The following DLGAP2 variants were observed in gnomAD, a reference collection of about 807,000 sequenced individuals.
The protein encoded by DLGAP2 is disks large-associated protein 2.
In DLGAP2, 26 loss-of-function variants were observed where a neutral mutation model predicts 100.3. The observed-to-expected ratio is 0.26, with a 90% confidence interval of 0.19 to 0.36. DLGAP2 has a LOEUF of 0.36. DLGAP2 is among the 10% of genes least tolerant of loss of function. The pLI, the probability that DLGAP2 is intolerant of heterozygous loss-of-function variation, is 1.00. For missense variants in DLGAP2, 1,858 were observed against 1,453.2 expected (o/e 1.28, Z -4.53); for synonymous variants, 886 against 630.1 (o/e 1.41, Z -6.08).
rs147776289 is a variant in DLGAP2, at chr8:1,277,663, T to A, written c.106+18780T>A. Among the ~76,000 whole-genome samples the A allele has an allele frequency of 9.6e-3, 1,457 of 152,236 alleles. 18 individuals are homozygous for A. The highest frequency in any genetic ancestry group is 0.02 in the Middle Eastern group (6 of 294). ...TCAGTATCTGAGTATCCAAGTGTTA[T>A]CCGAAATGAGTGGTGGGGTGGGCTT... is the stretch of plus-strand genomic sequence containing the variant. On this transcript the variant is annotated intron_variant, in intron 3 of 14. Coordinates refer to ENST00000637795, the MANE Select transcript of DLGAP2 (RefSeq NM_001346810.2).
chr8:1,254,714 G>A (rs1040602866), intron 2 of DLGAP2, among the ~76,000 whole-genome samples: 1 of 152,164 alleles, frequency 6.6e-6, no homozygotes, highest in African/African-American at 2.4e-5. Flanking sequence ...TTCTCAGGAT[G>A]AGACGAAAAA....
intron 3 of DLGAP2, among the ~76,000 whole-genome samples, chr8:1,407,293 A>G (rs1309048548): frequency 1.1e-4 from 3 of 27,138 alleles, no homozygotes; most frequent in Non-Finnish European, 1.3e-4. Context: ...CATCCTCCAG[A>G]GTCGTGTATT....
chr8:1,380,765 G>A lies in DLGAP2; in HGVS notation c.107-120601G>A, dbSNP rs79287599. On this transcript the variant is annotated intron_variant, in intron 3 of 14. Coordinates refer to ENST00000637795, the MANE Select transcript of DLGAP2 (RefSeq NM_001346810.2). ...GACTATTGGTATTAACTGGGACACA[G>A]GGATAGCTATTTCGAAAAAAGTGAC... Among the ~76,000 whole-genome samples the A allele has an allele frequency of 4.0e-3, 614 of 152,068 alleles. 3 individuals carry two copies. The highest frequency in any genetic ancestry group is 0.014 in the African/African-American group (591 of 41,516).
chr8:816,276 T>G (rs60362265), intron 1 of DLGAP2, among the ~76,000 whole-genome samples: 2 of 22,486 alleles, frequency 8.9e-5, no homozygotes, highest in Middle Eastern at 0.038. Context: ...ATACCTTGGG[T>G]TTTTTTTTTT....
intron 6 of DLGAP2, among the ~76,000 whole-genome samples, chr8:1,609,216 A>T (rs940503005): frequency 6.3e-5 from 9 of 142,832 alleles, no homozygotes; most frequent in Admixed American, 4.4e-4. Flanking sequence ...ACAAGCCAGA[A>T]GAGAGTGGGG....
chr8:1,185,501 G>A (rs1200496362), intron 2 of DLGAP2, among the ~76,000 whole-genome samples: 1 of 152,082 alleles, frequency 6.6e-6, no homozygotes, highest in African/African-American at 2.4e-5. Context: ...TTTTGGATGT[G>A]GGGTTGTTTG....
chr8:1,070,880 A>G (rs1803407445), intron 2 of DLGAP2, among the ~76,000 whole-genome samples: 1 of 152,144 alleles, frequency 6.6e-6, no homozygotes, highest in Admixed American at 6.5e-5. Context: ...CAGACCCCAC[A>G]ATTGCCGACA....
chr8:978,491 C>G (rs1482189222), intron 2 of DLGAP2, among the ~76,000 whole-genome samples: 8 of 74,576 alleles, frequency 1.1e-4, no homozygotes, highest in Non-Finnish European at 1.2e-4. Context: ...CAGTGAGGTG[C>G]TGGGTTCTGG....
intron 2 of DLGAP2, among the ~76,000 whole-genome samples, chr8:1,178,056 A>G (rs1247710099): frequency 6.6e-6 from 1 of 152,184 alleles, no homozygotes; most frequent in Admixed American, 6.5e-5. Flanking sequence ...GGTGCCTCTC[A>G]GCTCATGGGA....
rs1011502951 is a variant in DLGAP2 at position 1,652,728 on chromosome 8, T to C, written c.1811-15601T>C. Among the ~76,000 whole-genome samples the C allele has an allele frequency of 2.0e-5, 3 of 152,204 alleles. No individual in the cohort carries two copies. The East Asian group carries it at 5.8e-4, about 29-fold the overall frequency. On this transcript the variant is annotated intron_variant, in intron 8 of 14. Transcript: ENST00000637795. ...ATGGAATTTGCATCGTCTGTTTCTGTCATTCTTGAAGTCAGGGTCAGATCT... is the reference window on the plus strand; with the variant it reads ...ATGGAATTTGCATCGTCTGTTTCTGCCATTCTTGAAGTCAGGGTCAGATCT...
At chr8:1,521,842 G>A (rs111689714) in intron 4 of DLGAP2, among the ~76,000 whole-genome samples, 287 of 144,886 alleles carry the variant, frequency 2.0e-3, no homozygotes, top group African/African-American at 7.2e-3. Flanking sequence ...TGGAATACTC[G>A]GGGGCAGGTG....
intron 4 of DLGAP2, among the ~76,000 whole-genome samples, chr8:1,546,627 G>T (rs568894407): frequency 3.0e-4 from 45 of 152,268 alleles, no homozygotes; most frequent in African/African-American, 1.0e-3. Flanking sequence ...CTGGAGGGTT[G>T]GGGTTGGACA....
At chr8:987,978 CA>C (rs1332398321) in intron 2 of DLGAP2, among the ~76,000 whole-genome samples, 1 of 152,154 alleles carries the variant, frequency 6.6e-6, no homozygotes, top group Admixed American at 6.5e-5. Context: ...TGATATCCAT[CA>C]AAACAAGTCT....
At chr8:1,143,048 G>T (rs1157145074) in intron 2 of DLGAP2, among the ~76,000 whole-genome samples, 2 of 152,182 alleles carry the variant, frequency 1.3e-5, no homozygotes, top group African/African-American at 2.4e-5. Flanking sequence ...CTCTGCAGGG[G>T]CCTCAGGGTG....
intron 2 of DLGAP2, among the ~76,000 whole-genome samples, chr8:1,081,190 AAC>A (rs531949906): frequency 2.7e-3 from 406 of 152,352 alleles, no homozygotes; most frequent in Middle Eastern, 0.014. Flanking sequence ...TAATAACAAT[AAC>A]ACATATCTCA....
At chr8:1,592,481 GC>G (rs1796321806) in intron 6 of DLGAP2, among the ~76,000 whole-genome samples, 1 of 151,816 alleles carries the variant, frequency 6.6e-6, no homozygotes, top group African/African-American at 2.4e-5. Context: ...TTGCACATTT[GC>G]CCCCTGAAGC....
At chr8:1,304,419 A>C (rs201542565) in intron 3 of DLGAP2, among the ~76,000 whole-genome samples, 1 of 152,240 alleles carries the variant, frequency 6.6e-6, no homozygotes, top group Non-Finnish European at 1.5e-5. Flanking sequence ...AAAGTTGTAC[A>C]TGAGATTTTT....
At chr8:1,587,299 A>G (rs757581406) in intron 6 of DLGAP2, among the ~76,000 whole-genome samples, 3 of 152,222 alleles carry the variant, frequency 2.0e-5, no homozygotes, top group Non-Finnish European at 2.9e-5. Flanking sequence ...AACTTTGCCT[A>G]TAGTGGTCTG....
At chr8:1,318,018 TGTGTGA>T (rs1800804899) in intron 3 of DLGAP2, among the ~76,000 whole-genome samples, 1 of 34,618 alleles carries the variant, frequency 2.9e-5, no homozygotes, top group African/African-American at 2.0e-4. Context: ...AAATAGAGCG[TGTGTGA>T]GTGCAGCGTC....
Sources: gnomAD v4.1 joint callset for allele counts (sites outside exome capture counted in the v4.1 genomes callset) on GRCh38, gnomAD v4.1.1 for gene constraint, MANE v1.5 for transcripts, NCBI Gene and HGNC (gene_info 2026-07-23, HGNC 2026-07-21) for gene names.